RUFY3: variants seen among roughly 807,000 people sequenced by gnomAD.
The protein encoded by RUFY3 is protein RUFY3.
RUFY3 carries 34 observed loss-of-function variants against 84.0 expected under a neutral mutation model. The observed-to-expected ratio is 0.40, with a 90% CI of 0.31 to 0.54. The LOEUF is 0.54. Among genes scored for constraint, RUFY3 ranks in the 20% least tolerant of loss-of-function variants. RUFY3 has a pLI of 0.39. For synonymous variants in RUFY3, 242 were observed against 252.9 expected (o/e 0.96, Z 0.41); for missense variants, 507 against 736.8 (o/e 0.69, Z 3.61).
intron 1 of RUFY3, among the ~76,000 whole-genome samples, chr4:70,710,446 G>A (rs192162390): frequency 2.0e-5 from 3 of 152,104 alleles, no homozygotes; most frequent in South Asian, 2.1e-4. Context: ...CAAGGCAGGC[G>A]GATCACCTGA....
chr4:70,791,909 T>TG (rs758163585), intron 12 of RUFY3: 352 of 985,198 alleles, frequency 3.6e-4, no homozygotes, highest in Non-Finnish European at 4.1e-4. Flanking sequence ...TGGTGACTTT[T>TG]GAAAAAAAAA....
At chr4:70,728,034 C>T (rs115374777) in intron 1 of RUFY3, among the ~76,000 whole-genome samples, 2,540 of 152,220 alleles carry the variant, frequency 0.017, 94 homozygotes, top group African/African-American at 0.056. Flanking sequence ...GAAATCCTGA[C>T]TCATTTGTTG....
chr4:70,803,065 A>C, intron 16 of RUFY3, 82 bp downstream of exon 16: 1 of 1,026,502 alleles, frequency 9.7e-7, no homozygotes, highest in East Asian at 2.4e-5. Context: ...ATAAGGTAGC[A>C]TGGGCGGAAG....
intron 1 of RUFY3, among the ~76,000 whole-genome samples, chr4:70,754,517 ACT>A (rs570202607): frequency 6.6e-6 from 1 of 151,136 alleles, no homozygotes; most frequent in Non-Finnish European, 1.5e-5. Context: ...GGGTCCTAAG[ACT>A]CTATTATAAT....
chr4:70,711,064 GA>G (rs950005722), intron 1 of RUFY3, among the ~76,000 whole-genome samples: 2,004 of 54,052 alleles, frequency 0.037, 5 homozygotes, highest in Non-Finnish European at 0.059. Flanking sequence ...ACTCCGTCTG[GA>G]AAAAAAAAAA....
At chr4:70,753,561 G>A (rs900887539) in intron 1 of RUFY3, among the ~76,000 whole-genome samples, 1 of 152,098 alleles carries the variant, frequency 6.6e-6, no homozygotes, top group African/African-American at 2.4e-5. Context: ...ATTGCTTGGG[G>A]ATCTAGTTAA....
intron 1 of RUFY3, among the ~76,000 whole-genome samples, chr4:70,706,714 A>G (rs924874815): frequency 6.6e-6 from 1 of 152,196 alleles, no homozygotes; most frequent in Non-Finnish European, 1.5e-5. Flanking sequence ...GACACTGACC[A>G]TTGACTGTCT....
chr4:70,777,704 A>G (rs910289219), intron 7 of RUFY3, among the ~76,000 whole-genome samples: 5 of 152,228 alleles, frequency 3.3e-5, no homozygotes, highest in Non-Finnish European at 5.9e-5. Context: ...AAATGAGAAT[A>G]CCTAACATAA....
At position 70,722,421 on chromosome 4, in the gene RUFY3, T is replaced by A; in HGVS notation, c.-153T>A. On this transcript the variant is annotated 5_prime_UTR_variant, in exon 1 of 18. Coordinates refer to ENST00000381006, the MANE Select transcript of RUFY3 (RefSeq NM_001037442.4). ...ACCTATAAGGTATTTTTCCTTTTTT[T>A]TTTTTTTAAACCTCCCCCACCCTTT... The A allele has an allele frequency of 2.2e-6, 3 of 1,353,872 alleles. No homozygotes were observed. The highest frequency in any genetic ancestry group is 2.6e-5 in the East Asian group (1 of 38,994). The allele number at this position is 1,353,872 out of a possible 1,614,324, so 83.9% of individuals were successfully genotyped here.
intron 7 of RUFY3, among the ~76,000 whole-genome samples, chr4:70,776,114 A>C (rs1727924064): frequency 6.6e-6 from 1 of 152,190 alleles, no homozygotes; most frequent in Non-Finnish European, 1.5e-5. Flanking sequence ...TGTGGAGGGG[A>C]TACATTCTAA....
At chr4:70,801,220 C>T (rs910373569) in intron 15 of RUFY3, among the ~76,000 whole-genome samples, 1 of 151,042 alleles carries the variant, frequency 6.6e-6, no homozygotes, top group Admixed American at 6.6e-5. Flanking sequence ...AGGAACGAAC[C>T]GGTGGAGCAC....
chr4:70,777,094 A>T (rs1295518078), intron 7 of RUFY3, among the ~76,000 whole-genome samples: 1 of 152,228 alleles, frequency 6.6e-6, no homozygotes, highest in East Asian at 1.9e-4. Context: ...ACATGAGTCT[A>T]TCAAAATCCT....
intron 4 of RUFY3, among the ~76,000 whole-genome samples, chr4:70,765,142 C>T (rs374350603): frequency 2.1e-5 from 3 of 145,966 alleles, no homozygotes; most frequent in East Asian, 2.1e-4. Flanking sequence ...GATCCGAGAG[C>T]GTGCCACCAC....
chr4:70,747,678 C>G (rs933937154), intron 1 of RUFY3, among the ~76,000 whole-genome samples: 2 of 152,174 alleles, frequency 1.3e-5, no homozygotes, highest in African/African-American at 4.8e-5. Flanking sequence ...TGATGACTCT[C>G]TAAGTCCAAA....
At chr4:70,722,808 G>A in intron 1 of RUFY3, 57 bp downstream of exon 1, 1 of 1,534,300 alleles carries the variant, frequency 6.5e-7, no homozygotes, top group Non-Finnish European at 8.9e-7. Context: ...TTATGGGGGA[G>A]GGCTGGGAGG....
intron 8 of RUFY3, among the ~76,000 whole-genome samples, chr4:70,778,665 C>T (rs1465639088): frequency 3.3e-5 from 5 of 150,630 alleles, no homozygotes; most frequent in East Asian, 1.9e-4. Context: ...CCGCAACCTC[C>T]GTCTCCCAAG....
chr4:70,725,426 G>C (rs1324567120), intron 1 of RUFY3, among the ~76,000 whole-genome samples: 1 of 151,902 alleles, frequency 6.6e-6, no homozygotes, highest in African/African-American at 2.4e-5. Flanking sequence ...TGCCTACCGG[G>C]TTCAAGCGAT....
At chr4:70,791,496 G>A in intron 12 of RUFY3, 1 of 1,373,780 alleles carries the variant, frequency 7.3e-7, no homozygotes. Flanking sequence ...CCCAGGGTTA[G>A]AAAAATTGGT....
At chr4:70,772,785 C>T (rs1316140023) in intron 5 of RUFY3, among the ~76,000 whole-genome samples, 3 of 152,020 alleles carry the variant, frequency 2.0e-5, no homozygotes, top group Non-Finnish European at 4.4e-5. Context: ...CTCAGCCTCC[C>T]GAGTAGCTGG....
Sources: allele counts gnomAD v4.1 joint callset (sites outside exome capture counted in the v4.1 genomes callset), GRCh38; gene constraint gnomAD v4.1.1; transcripts MANE v1.5; gene names NCBI Gene and HGNC (gene_info 2026-07-23, HGNC 2026-07-21).